Variants in DENND4A observed in about 807,000 individuals in gnomAD.
DENND4A encodes the protein DENN domain containing 4A.
A neutral mutation model predicts 199.3 loss-of-function variants in DENND4A; 70 were observed. The ratio of observed to expected loss-of-function variants is 0.35; its 90% CI spans 0.29 to 0.43. DENND4A has a LOEUF of 0.43. DENND4A is among the 20% of genes least tolerant of loss of function. The pLI is 1.00. For missense variants in DENND4A, 1,723 were observed against 2,255.8 expected (o/e 0.76, Z 4.78); for synonymous variants, 686 against 766.9 (o/e 0.89, Z 1.74).
intron 20 of DENND4A, among the ~76,000 whole-genome samples, chr15:65,698,571 GA>G (rs1178892550): frequency 6.6e-6 from 1 of 151,768 alleles, no homozygotes; most frequent in Non-Finnish European, 1.5e-5. Context: ...TGTATCACTA[GA>G]TATTCACTTT....
At chr15:65,756,893 T>C (rs916273177) in intron 2 of DENND4A, among the ~76,000 whole-genome samples, 4 of 151,944 alleles carry the variant, frequency 2.6e-5, no homozygotes, top group Admixed American at 2.0e-4. Flanking sequence ...AAAAATTAGC[T>C]GGGCGTGGTG....
intron 1 of DENND4A, among the ~76,000 whole-genome samples, chr15:65,764,539 G>A (rs1380949476): frequency 6.6e-6 from 1 of 152,154 alleles, no homozygotes; most frequent in Non-Finnish European, 1.5e-5. Flanking sequence ...GCTGAGACAT[G>A]AGAATTGCTT....
chr15:65,670,783 T>C (rs2076192415), intron 25 of DENND4A, among the ~76,000 whole-genome samples: 1 of 152,238 alleles, frequency 6.6e-6, no homozygotes, highest in Non-Finnish European at 1.5e-5. Flanking sequence ...AATGCTATCA[T>C]TATGTTAAGA....
chr15:65,691,589 G>T (rs1452960281), intron 22 of DENND4A, 78 bp from the exon 23 acceptor site: 1 of 1,396,068 alleles, frequency 7.2e-7, no homozygotes, highest in Non-Finnish European at 9.5e-7. Context: ...TAAAATTCTA[G>T]TGATGAAAAT....
rs1168037433 is a variant in DENND4A, at chr15:65,701,829, C to T, written c.2492G>A (p.Arg831Gln). The T allele has an allele frequency of 1.2e-6, 2 of 1,613,758 alleles. No individual in the cohort carries two copies. The highest frequency in any genetic ancestry group is 2.2e-5 in the East Asian group (1 of 44,866). The change falls in exon 18 of 33, where the codon CGA (arginine) becomes CAA (glutamine). Residue 831 changes from arginine (R) to glutamine (Q), a missense_variant. By Grantham distance (43) the Arg-to-Gln change is conservative (BLOSUM62 1). This residue lies in a region of DENND4A where 36 missense variants were observed against 85.7 expected (regional missense o/e 0.42). Transcript: ENST00000443035. ...GQYDQPVLAV[R>Q]VLFEMQKAGI... ...AGCTTTCTGCATTTCAAAAAGCACT[C>T]GAACTGCAAGCACTGGCTGATCATA...
At chr15:65,682,582 G>T (rs978119010) in intron 23 of DENND4A, among the ~76,000 whole-genome samples, 2 of 152,142 alleles carry the variant, frequency 1.3e-5, no homozygotes, top group African/African-American at 4.8e-5. Context: ...ACACTGTTTT[G>T]CTGTCTTATC....
intron 9 of DENND4A, among the ~76,000 whole-genome samples, chr15:65,730,813 T>TGATA (rs2075935243): frequency 6.6e-6 from 1 of 152,022 alleles, no homozygotes; most frequent in Admixed American, 6.5e-5. Context: ...TTTATTACAG[T>TGATA]GATAGCTGCA....
At position 65,745,855 on chromosome 15, in the gene DENND4A, C is replaced by T. The variant is rs948437085; in HGVS notation, c.562-4071G>A. 4.0e-5 allele frequency among the ~76,000 whole-genome samples: 6 copies of T among 151,864 alleles called. No homozygotes were observed. In the East Asian group the frequency reaches 1.2e-3, roughly 29 times the overall value. On this transcript the variant is annotated intron_variant, in intron 4 of 32. Transcript: ENST00000443035. ...TGGATATTAAAATTAAGAGCGGGGC[C>T]AGGCATGGTGGCTCATGCCTGTAAT...
At chr15:65,790,362 C>A (rs556994985) in intron 1 of DENND4A, among the ~76,000 whole-genome samples, 1 of 152,112 alleles carries the variant, frequency 6.6e-6, no homozygotes, top group South Asian at 2.1e-4. Flanking sequence ...AAAACTTGGA[C>A]CAAAAGTTAT....
rs1398268372 is a variant in DENND4A, at chr15:65,665,427, A to G, written c.5277T>C (p.Tyr1759=). The change falls in exon 30 of 33, where the codon TAT becomes TAC. Residue 1759 remains tyrosine (Y), a synonymous_variant. Transcript: ENST00000443035. ...PRHCMSEDSK[Y]VLIQMLWDNM... The stretch of plus-strand genomic sequence containing the variant: ...TGTCCCATAACATTTGTATTAAAAC[A>G]TATTTGCTATCTTCAGACATACAGT... The G allele has an allele frequency of 1.2e-6, 2 of 1,613,308 alleles. No individual in the cohort carries two copies. The highest frequency in any genetic ancestry group is 2.7e-5 in the African/African-American group (2 of 74,952).
At chr15:65,674,733 TAAA>T (rs139568543) in intron 24 of DENND4A, among the ~76,000 whole-genome samples, 2 of 133,524 alleles carry the variant, frequency 1.5e-5, no homozygotes, top group Non-Finnish European at 3.2e-5. Flanking sequence ...GACCCTATCT[TAAA>T]AAAAAAAAAA....
chr15:65,735,615 A>G (rs2076091761), intron 7 of DENND4A, among the ~76,000 whole-genome samples: 1 of 152,212 alleles, frequency 6.6e-6, no homozygotes, highest in East Asian at 1.9e-4. Context: ...TACTAATTTT[A>G]TTAAGTTTTG....
chr15:65,690,305 C>A (rs2076927827), intron 23 of DENND4A, 110 bp downstream of exon 23: 1 of 1,186,980 alleles, frequency 8.4e-7, no homozygotes, highest in Non-Finnish European at 1.1e-6. Context: ...CCCAATGAGT[C>A]CTTTTTATAA....
rs1250523512 is a variant in DENND4A, at chr15:65,660,467, G to A, written c.*1384C>T. ...ATCCATTTTTTCCTTCTTTAAAGCT[G>A]GCTAGGGAATTCCTTCACTAATGAT... On this transcript the variant is annotated 3_prime_UTR_variant, in exon 33 of 33. Transcript: ENST00000443035. 4 of 552,304 alleles carry A rather than the reference G, an allele frequency of 7.2e-6. No homozygotes were observed. In the Admixed American group the frequency reaches 1.4e-4, roughly 19 times the overall value. 34.2% of individuals were successfully genotyped at this position (552,304 alleles called of 1,614,324 possible).
At chr15:65,668,151 T>C in intron 27 of DENND4A, 28 bp from the exon 28 acceptor site, 4 of 1,484,936 alleles carry the variant, frequency 2.7e-6, no homozygotes, top group Non-Finnish European at 3.6e-6. Flanking sequence ...GAAGAAAGTG[T>C]ATCAGTGTCT....
At position 65,773,767 on chromosome 15, in the gene DENND4A, C is replaced by T. The variant is rs377456466; in HGVS notation, c.-101-12329G>A. ...TCAAACATACACACACCACTGCTGC[C>T]GCCTCCACAAATCTGGCCAAAACTA... On this transcript the variant is annotated intron_variant, in intron 1 of 32. Coordinates refer to ENST00000443035, the MANE Select transcript of DENND4A (RefSeq NM_001320835.1). 7.9e-5 allele frequency among the ~76,000 whole-genome samples: 12 copies of T among 152,318 alleles called. No homozygotes were observed. The South Asian group carries it at 2.3e-3, about 29-fold the overall frequency.
rs2074833226 is a variant in DENND4A at position 65,700,603 on chromosome 15, T to C, written c.2774A>G (p.Gln925Arg). Residue 925 changes from glutamine to arginine, a missense_variant, in exon 20 of 33, where the codon CAG becomes CGG. Around this residue, in one of 6 missense-constraint regions of DENND4A, gnomAD observed 650 missense variants for 738.1 expected, o/e 0.88. Coordinates refer to ENST00000443035, the MANE Select transcript of DENND4A (RefSeq NM_001320835.1). Reference sequence around the variant, plus strand: ...GATTAAACCCGTATTAAAAGGTGCCTGCTCCACAGTGTGTGTCCCATGACC... The same window carrying C: ...GATTAAACCCGTATTAAAAGGTGCCCGCTCCACAGTGTGTGTCCCATGACC... ...DSGHGTHTVE[Q>R]APFNTGLIKV... The C allele has an allele frequency of 6.5e-7, 1 of 1,547,122 alleles. No homozygotes were observed. Among genetic ancestry groups the C allele is most frequent in the Non-Finnish European group, 8.7e-7 (1 of 1,144,992 alleles).
At chr15:65,746,990 C>T (rs1253622801) in intron 4 of DENND4A, among the ~76,000 whole-genome samples, 1 of 150,926 alleles carries the variant, frequency 6.6e-6, no homozygotes, top group East Asian at 1.9e-4. Context: ...CCTGTAATCC[C>T]AGCTACTCGG....
intron 23 of DENND4A, among the ~76,000 whole-genome samples, chr15:65,677,208 T>C (rs887721981): frequency 2.6e-5 from 4 of 152,180 alleles, no homozygotes; most frequent in Non-Finnish European, 4.4e-5. Flanking sequence ...TTTTTAATCA[T>C]ATAGGGCAAA....
Sources: gnomAD v4.1 joint callset for allele counts (sites outside exome capture counted in the v4.1 genomes callset) on GRCh38, gnomAD v4.1.1 for gene constraint, gnomAD v4.1.1 regional missense constraint, MANE v1.5 for transcripts, NCBI Gene and HGNC (gene_info 2026-07-23, HGNC 2026-07-21) for gene names.